Variants in PEX14 observed in about 807,000 individuals in gnomAD.
The protein encoded by PEX14 is peroxisomal biogenesis factor 14.
Under a neutral mutation model 49.5 loss-of-function variants are expected in PEX14, and 15 were observed. That is an observed-to-expected ratio of 0.30 (90% CI 0.20 to 0.47). The LOEUF (loss-of-function observed/expected upper bound fraction) is 0.47. Among genes scored for constraint, PEX14 ranks in the 20% least tolerant of loss-of-function variants. The pLI, the probability that PEX14 is intolerant of heterozygous loss-of-function variation, is 1.00. For synonymous variants in PEX14, 210 were observed against 212.7 expected, an observed-to-expected ratio of 0.99 and a Z score of 0.11; for missense variants, 398 against 494.8, an observed-to-expected ratio of 0.80 and a Z score of 1.86.
chr1:10,496,349 C>G (rs929644643), intron 2 of PEX14, among the ~76,000 whole-genome samples: 2 of 152,134 alleles, frequency 1.3e-5, no homozygotes, highest in Non-Finnish European at 2.9e-5. Flanking sequence ...CCACGGTGGC[C>G]TCGTTTCACT....
intron 4 of PEX14, among the ~76,000 whole-genome samples, chr1:10,605,211 G>C (rs1034584853): frequency 5.3e-5 from 8 of 152,182 alleles, no homozygotes; most frequent in African/African-American, 1.2e-4. Context: ...GAATGGAAGG[G>C]CTATCATGTG....
rs1438251831 is a variant in PEX14 at position 10,630,287 on chromosome 1, C to T, written c.*300C>T. On this transcript the variant is annotated 3_prime_UTR_variant, in exon 9 of 9. Coordinates refer to ENST00000356607, the MANE Select transcript of PEX14 (RefSeq NM_004565.3). The surrounding 1 kb of genome is among the most constrained non-coding windows in gnomAD (Gnocchi z 4.1). ...CTCGGGGCCCAAGCCCCTCCCCAGC[C>T]CCCTCTCCCGGACAGACGCCTTGCC... The T allele has an allele frequency of 9.4e-6, 5 of 529,586 alleles. No individual in the cohort carries two copies. In the Admixed American group the frequency reaches 1.6e-4, roughly 17 times the overall value. The allele number at this position is 529,586 out of a possible 1,614,324, so 32.8% of individuals were successfully genotyped here.
chr1:10,537,344 C>CCA (rs1553187442), intron 3 of PEX14, among the ~76,000 whole-genome samples: 1 of 64,212 alleles, frequency 1.6e-5, no homozygotes, highest in Non-Finnish European at 4.0e-5. Flanking sequence ...TGCCAGCACC[C>CCA]CCCCCCCCCG....
At chr1:10,602,406 A>G (rs888154811) in intron 4 of PEX14, among the ~76,000 whole-genome samples, 1 of 151,720 alleles carries the variant, frequency 6.6e-6, no homozygotes, top group Non-Finnish European at 1.5e-5. Flanking sequence ...TTTTGCCAAG[A>G]GGTGTCAAAA....
At chr1:10,573,255 C>A (rs200312348) in intron 3 of PEX14, among the ~76,000 whole-genome samples, 2 of 152,132 alleles carry the variant, frequency 1.3e-5, no homozygotes, top group Admixed American at 1.3e-4. Context: ...TCCTACAAAT[C>A]AGTAAGAAAA....
intron 4 of PEX14, among the ~76,000 whole-genome samples, chr1:10,606,544 G>C (rs1330158830): frequency 6.6e-6 from 1 of 152,216 alleles, no homozygotes; most frequent in Non-Finnish European, 1.5e-5. Flanking sequence ...TTGCCTCTGG[G>C]CTGGGGAGGA....
intron 3 of PEX14, among the ~76,000 whole-genome samples, chr1:10,576,405 T>A (rs1256805172): frequency 6.6e-6 from 1 of 152,194 alleles, no homozygotes; most frequent in Non-Finnish European, 1.5e-5. Context: ...TTTTATTGTC[T>A]TCTTACAATT....
chr1:10,629,130 T>G lies in PEX14; in HGVS notation c.678-401T>G, dbSNP rs1641834416. ...TGGCTCAGGTGTCTGGAGTCCCCAG[T>G]CATAGCCCTTTTGGACTCCTCACCA... On this transcript the variant is annotated intron_variant, in intron 8 of 8. Transcript: ENST00000356607. The surrounding 1 kb of genome is among the most constrained non-coding windows in gnomAD (Gnocchi z 8.5). Among the ~76,000 whole-genome samples, 1 of 152,156 alleles carries G rather than the reference T, an allele frequency of 6.6e-6. No individual in the cohort carries two copies. Among genetic ancestry groups the G allele is most frequent in the South Asian group, 2.1e-4 (1 of 4,830 alleles).
chr1:10,629,820 AAGGAGGACG>A lies in PEX14; in HGVS notation c.975_983del (p.Glu329_Asp331del), dbSNP rs1307405046. On this transcript the variant is annotated inframe_deletion, in exon 9 of 9. Transcript: ENST00000356607. The surrounding 1 kb of genome is among the most constrained non-coding windows in gnomAD (Gnocchi z 8.5). Reference sequence around the variant, plus strand: ...AGGCGAGGAGGAGAAGAGGGAGGACAAGGAGGACGAGGAGGATGAGGAGGATGATGATGT... The same window carrying A: ...AGGCGAGGAGGAGAAGAGGGAGGACAAGGAGGATGAGGAGGATGATGATGT... 5 of 1,595,248 alleles carry A rather than the reference AAGGAGGACG, an allele frequency of 3.1e-6. No homozygotes were observed. The highest frequency in any genetic ancestry group is 2.3e-5 in the East Asian group (1 of 44,418).
At chr1:10,627,237 C>T (rs1179753341) in intron 7 of PEX14, 35 bp from the exon 8 acceptor site, 15 of 1,503,900 alleles carry the variant, frequency 1.0e-5, no homozygotes, top group Admixed American at 6.7e-5. Context: ...TGCCGCAAGG[C>T]GCCCGCCCTG....
At chr1:10,603,437 A>G (rs1641041096) in intron 4 of PEX14, among the ~76,000 whole-genome samples, 1 of 152,142 alleles carries the variant, frequency 6.6e-6, no homozygotes, top group African/African-American at 2.4e-5. Context: ...GAGTCAGGGA[A>G]GGCTTTTGTG....
At chr1:10,615,129 G>C (rs1452469275) in intron 4 of PEX14, among the ~76,000 whole-genome samples, 1 of 152,192 alleles carries the variant, frequency 6.6e-6, no homozygotes, top group African/African-American at 2.4e-5. Flanking sequence ...AGCCTGGGAA[G>C]GGAGTGGGGG....
Position 10,514,154 on chromosome 1 carries a change from CTCTGTGTG to C in PEX14, c.84+18835_84+18842del, listed in dbSNP as rs1641931585. On this transcript the variant is annotated intron_variant, in intron 2 of 8. Coordinates refer to ENST00000356607, the MANE Select transcript of PEX14 (RefSeq NM_004565.3). The surrounding 1 kb of genome is among the most constrained non-coding windows in gnomAD (Gnocchi z 4.4). The stretch of plus-strand genomic sequence containing the variant: ...AAAAAATGTATAAAATAATCTATGC[CTCTGTGTG>C]TGTGTGTGTGTGTGTGTGTGTGTGT... Among the ~76,000 whole-genome samples, 1 of 89,548 alleles carries C rather than the reference CTCTGTGTG, an allele frequency of 1.1e-5. No individual in the cohort carries two copies. Among genetic ancestry groups the C allele is most frequent in the Non-Finnish European group, 2.1e-5 (1 of 46,826 alleles). 58.7% of individuals were successfully genotyped at this position (89,548 alleles called of 152,430 possible). A position where few individuals can be genotyped will look rare whatever the true frequency, so the allele number is the denominator to read the frequency against.
At chr1:10,614,818 G>A (rs910131955) in intron 4 of PEX14, among the ~76,000 whole-genome samples, 20 of 152,208 alleles carry the variant, frequency 1.3e-4, no homozygotes, top group African/African-American at 4.6e-4. Flanking sequence ...GAGAGAGCGG[G>A]GTGGCCAGGT....
chr1:10,513,559 G>A (rs1641920381), intron 2 of PEX14, among the ~76,000 whole-genome samples: 1 of 152,174 alleles, frequency 6.6e-6, no homozygotes. Context: ...TCCCTCGCAG[G>A]TTCCCTCTTG....
At chr1:10,605,355 C>T (rs893733386) in intron 4 of PEX14, among the ~76,000 whole-genome samples, 1 of 152,112 alleles carries the variant, frequency 6.6e-6, no homozygotes, top group African/African-American at 2.4e-5. Context: ...AGAGGGAAGC[C>T]CTCCATTGCT....
At position 10,566,619 on chromosome 1, in the gene PEX14, G is replaced by T. The variant is rs554143266; in HGVS notation, c.169+30322G>T. The stretch of plus-strand genomic sequence containing the variant: ...TTCTCCTACCTCAGCCTCCCGAGTA[G>T]CTAGGATTACAGGCATGTGCCATCA... On this transcript the variant is annotated intron_variant, in intron 3 of 8. Coordinates refer to ENST00000356607, the MANE Select transcript of PEX14 (RefSeq NM_004565.3). 1.7e-4 allele frequency among the ~76,000 whole-genome samples: 26 copies of T among 152,188 alleles called. 2 individuals are homozygous for T. The South Asian group carries it at 5.4e-3, about 32-fold the overall frequency.
At chr1:10,483,239 G>A (rs1004097449) in intron 1 of PEX14, among the ~76,000 whole-genome samples, 4 of 151,942 alleles carry the variant, frequency 2.6e-5, no homozygotes, top group Admixed American at 6.6e-5. Context: ...CGCTGCAGTC[G>A]TGACCTCCTG....
At chr1:10,608,709 G>A (rs576054496) in intron 4 of PEX14, among the ~76,000 whole-genome samples, 1 of 150,804 alleles carries the variant, frequency 6.6e-6, no homozygotes, top group South Asian at 2.1e-4. Context: ...ATATGAATGG[G>A]TCTGTTTCTA....
Sources: allele counts gnomAD v4.1 joint callset (sites outside exome capture counted in the v4.1 genomes callset), GRCh38; gene constraint gnomAD v4.1.1; non-coding constraint Gnocchi (gnomAD v3.1); transcripts MANE v1.5; gene names NCBI Gene and HGNC (gene_info 2026-07-23, HGNC 2026-07-21).